The following TYR variants were observed in gnomAD, a reference collection of about 807,000 sequenced individuals.
The protein encoded by TYR is tyrosinase.
In TYR, 58 loss-of-function variants were observed where a neutral mutation model predicts 51.5. The ratio of observed to expected loss-of-function variants is 1.13; its 90% CI spans 0.91 to 1.40. The LOEUF is 1.40. TYR is among the 40% of genes most tolerant of loss of function. The pLI is 0.00. For missense variants in TYR, 732 were observed against 647.4 expected, an observed-to-expected ratio of 1.13 and a Z score of -1.42; for synonymous variants, 263 against 235.2, an observed-to-expected ratio of 1.12 and a Z score of -1.08.
intron 3 of TYR, among the ~76,000 whole-genome samples, chr11:89,279,070 C>A (rs1417124662): frequency 2.0e-5 from 3 of 151,524 alleles, no homozygotes; most frequent in Non-Finnish European, 4.4e-5. Context: ...TGTAGAGGGA[C>A]TCAAAAATGT....
intron 3 of TYR, among the ~76,000 whole-genome samples, chr11:89,260,995 C>T (rs866619005): frequency 2.9e-4 from 44 of 152,200 alleles, no homozygotes; most frequent in Admixed American, 1.5e-3. Context: ...GAGAATCTAA[C>T]GCCTGATGAT....
chr11:89,243,486 C>A (rs1222433663), intron 3 of TYR, among the ~76,000 whole-genome samples: 8 of 152,060 alleles, frequency 5.3e-5, no homozygotes, highest in Non-Finnish European at 1.0e-4. Context: ...TGGGGGCTAA[C>A]CTTTTATGTC....
rs564685339 is a variant in TYR at position 89,253,480 on chromosome 11, G to T, written c.1184+25510G>T. On this transcript the variant is annotated intron_variant, in intron 3 of 4. Transcript: ENST00000263321. ...GAATGTGTTTCCATTTGTTTGTGTT[G>T]TCTATGATTTCTTTCATCAGTGTTT... is the stretch of plus-strand genomic sequence containing the variant. Among the ~76,000 whole-genome samples, 32 of 151,736 alleles carry T rather than the reference G, an allele frequency of 2.1e-4. 1 individual carries two copies. The South Asian group carries it at 6.2e-3, about 30-fold the overall frequency.
chr11:89,222,646 G>A (rs1943927393), intron 2 of TYR, among the ~76,000 whole-genome samples: 1 of 152,084 alleles, frequency 6.6e-6, no homozygotes, highest in African/African-American at 2.4e-5. Flanking sequence ...GTCTGAGGCA[G>A]GAGAATCACT....
chr11:89,247,735 G>A (rs2135296887), intron 3 of TYR, among the ~76,000 whole-genome samples: 1 of 152,322 alleles, frequency 6.6e-6, no homozygotes, highest in Middle Eastern at 3.4e-3. Flanking sequence ...GCAAAGCGGA[G>A]GGAAGAGTGT....
Position 89,203,405 on chromosome 11 carries a change from C to T in TYR, c.1036+11987C>T, listed in dbSNP as rs79253707. ...ATGACCCAACACTAACCACTCTGCT[C>T]AGAGTAGGTATCTAAAAGAAATTCT... On this transcript the variant is annotated intron_variant, in intron 2 of 4. Coordinates refer to ENST00000263321, the MANE Select transcript of TYR (RefSeq NM_000372.5). Among the ~76,000 whole-genome samples the T allele has an allele frequency of 9.3e-3, 1,411 of 152,260 alleles. 19 individuals carry two copies. Among genetic ancestry groups the T allele is most frequent in the African/African-American group, 0.033 (1,360 of 41,532 alleles).
intron 3 of TYR, among the ~76,000 whole-genome samples, chr11:89,244,329 C>T (rs10830246): frequency 0.5 from 74,788 of 150,420 alleles, 21,319 homozygotes; most frequent in African/African-American, 0.8. Flanking sequence ...AGCTCCAGGT[C>T]CTGCATTTTT....
At chr11:89,270,780 A>C (rs1944579662) in intron 3 of TYR, among the ~76,000 whole-genome samples, 1 of 151,934 alleles carries the variant, frequency 6.6e-6, no homozygotes, top group Admixed American at 6.6e-5. Context: ...TGTATTTTAT[A>C]TATGATTTAT....
At chr11:89,261,381 T>C (rs1053245965) in intron 3 of TYR, among the ~76,000 whole-genome samples, 7 of 152,082 alleles carry the variant, frequency 4.6e-5, no homozygotes, top group African/African-American at 1.7e-4. Context: ...ATATTTTATG[T>C]AAAAAATATT....
At chr11:89,225,841 T>C (rs775100258) in intron 2 of TYR, among the ~76,000 whole-genome samples, 1 of 151,946 alleles carries the variant, frequency 6.6e-6, no homozygotes, top group Admixed American at 6.6e-5. Flanking sequence ...ATAGCTAGAA[T>C]AGAAGATTTG....
Position 89,295,299 on chromosome 11 carries a change from C to T in TYR, c.1523C>T (p.Pro508Leu), listed in dbSNP as rs771155168. 2 of 1,613,432 alleles carry T rather than the reference C, an allele frequency of 1.2e-6. No individual in the cohort carries two copies. The highest frequency in any genetic ancestry group is 2.2e-5 in the South Asian group (2 of 91,062). The change falls in exon 5 of 5, where the codon CCT becomes CTT. Residue 508 changes from proline to leucine, a missense_variant. By Grantham distance (98) the Pro-to-Leu change is moderately conservative. Coordinates refer to ENST00000263321, the MANE Select transcript of TYR (RefSeq NM_000372.5). ...LLCRHKRKQL[P>L]EEKQPLLMEK... The stretch of plus-strand genomic sequence containing the variant: ...TGTCGTCACAAGAGAAAGCAGCTTC[C>T]TGAAGAAAAGCAGCCACTCCTCATG...
intron 1 of TYR, among the ~76,000 whole-genome samples, chr11:89,187,175 T>C (rs959821362): frequency 1.3e-5 from 2 of 152,074 alleles, no homozygotes; most frequent in African/African-American, 2.4e-5. Context: ...TCCCTGTAGA[T>C]TGAGAAAGTG....
chr11:89,182,603 ATTAAT>A (rs1943316553), intron 1 of TYR, among the ~76,000 whole-genome samples: 1 of 152,138 alleles, frequency 6.6e-6, no homozygotes, highest in Non-Finnish European at 1.5e-5. Flanking sequence ...AAATCAGGTA[ATTAAT>A]TTATTTGGAA....
chr11:89,294,888 C>G (rs1260101762), intron 4 of TYR, among the ~76,000 whole-genome samples: 1 of 152,126 alleles, frequency 6.6e-6, no homozygotes, highest in Non-Finnish European at 1.5e-5. Context: ...ATACCAGGCC[C>G]TGAATCACTT....
At chr11:89,183,074 G>A (rs1004262294) in intron 1 of TYR, among the ~76,000 whole-genome samples, 2 of 152,034 alleles carry the variant, frequency 1.3e-5, no homozygotes, top group African/African-American at 4.8e-5. Context: ...TTTGTGGAAT[G>A]TCATACGGTT....
At chr11:89,251,258 A>T (rs1944327980) in intron 3 of TYR, among the ~76,000 whole-genome samples, 1 of 151,970 alleles carries the variant, frequency 6.6e-6, no homozygotes, top group South Asian at 2.1e-4. Context: ...CTATTTTGAA[A>T]AGCTCCTTTA....
At chr11:89,216,361 A>G (rs1393717078) in intron 2 of TYR, among the ~76,000 whole-genome samples, 2 of 152,070 alleles carry the variant, frequency 1.3e-5, no homozygotes, top group African/African-American at 4.8e-5. Flanking sequence ...GAATTAGCCT[A>G]TTTCACCTTC....
At chr11:89,194,483 A>G (rs1425647194) in intron 2 of TYR, among the ~76,000 whole-genome samples, 1 of 151,416 alleles carries the variant, frequency 6.6e-6, no homozygotes, top group Non-Finnish European at 1.5e-5. Flanking sequence ...TAAACTGTCT[A>G]CATGGAGACA....
chr11:89,222,402 A>T (rs1943923540), intron 2 of TYR, among the ~76,000 whole-genome samples: 1 of 152,186 alleles, frequency 6.6e-6, no homozygotes, highest in East Asian at 1.9e-4. Context: ...TCAGAGTAGT[A>T]TTAGGGAAGA....
Sources: allele counts gnomAD v4.1 joint callset (sites outside exome capture counted in the v4.1 genomes callset), GRCh38; gene constraint gnomAD v4.1.1; transcripts MANE v1.5; gene names NCBI Gene and HGNC (gene_info 2026-07-23, HGNC 2026-07-21).